Variants in ABI3BP observed in about 807,000 individuals in gnomAD.
ABI3BP encodes the protein target of Nesh-SH3.
ABI3BP carries 216 observed loss-of-function variants against 268.6 expected under a neutral mutation model. That is an observed-to-expected ratio of 0.80 (90% CI 0.72 to 0.90). The LOEUF (loss-of-function observed/expected upper bound fraction) is 0.90, where lower values mean the gene tolerates loss of function less well. Ranked by LOEUF, ABI3BP falls within the 40% of genes least tolerant of loss-of-function variation. The pLI is 0.00. For synonymous variants in ABI3BP, 730 were observed against 730.0 expected, an observed-to-expected ratio of 1.00 and a Z score of 0.00; for missense variants, 2,090 against 2,182.4, an observed-to-expected ratio of 0.96 and a Z score of 0.84.
chr3:100,878,724 C>G (rs1821795), intron 6 of ABI3BP, among the ~76,000 whole-genome samples: 40,986 of 152,036 alleles, frequency 0.27, 5,852 homozygotes, highest in Non-Finnish European at 0.31. Context: ...TTAGGCCCAC[C>G]CTTGGCACTC....
At chr3:100,967,503 CAAAA>C (rs5851238) in intron 1 of ABI3BP, among the ~76,000 whole-genome samples, 4 of 114,052 alleles carry the variant, frequency 3.5e-5, no homozygotes, top group Admixed American at 1.8e-4. Flanking sequence ...GACTCCATCT[CAAAA>C]AAAAAAAAAA....
intron 2 of ABI3BP, chr3:100,912,297 A>AC (rs2056958168): frequency 6.4e-6 from 1 of 156,982 alleles, no homozygotes; most frequent in South Asian, 1.9e-4. Context: ...AAAAAAAAAA[A>AC]AAAAAAACAG....
intron 1 of ABI3BP, among the ~76,000 whole-genome samples, chr3:100,981,728 G>A (rs1307440361): frequency 2.0e-5 from 3 of 152,166 alleles, no homozygotes; most frequent in Non-Finnish European, 4.4e-5. Context: ...GGAGTGGGAT[G>A]CTCATGGCAA....
intron 11 of ABI3BP, chr3:100,864,624 G>T: frequency 1.9e-6 from 1 of 523,846 alleles, no homozygotes; most frequent in Middle Eastern, 2.8e-4. Context: ...TTGCCCAGAA[G>T]TTCAGTCACC....
At chr3:100,904,808 T>C (rs1160170364) in intron 2 of ABI3BP, among the ~76,000 whole-genome samples, 1 of 152,208 alleles carries the variant, frequency 6.6e-6, no homozygotes, top group South Asian at 2.1e-4. Context: ...TTTACACTGT[T>C]GGTGGGACTG....
intron 9 of ABI3BP, among the ~76,000 whole-genome samples, chr3:100,874,040 C>A (rs190381928): frequency 2.0e-5 from 3 of 152,210 alleles, no homozygotes; most frequent in African/African-American, 7.2e-5. Flanking sequence ...TATTAACAGC[C>A]CAAGGTATTC....
At chr3:100,951,946 T>C (rs2075226441) in intron 1 of ABI3BP, among the ~76,000 whole-genome samples, 1 of 151,986 alleles carries the variant, frequency 6.6e-6, no homozygotes, top group Admixed American at 6.6e-5. Flanking sequence ...TTGCAATGAG[T>C]TGTAAATAAG....
At chr3:100,789,591 G>A (rs763569694) in intron 55 of ABI3BP, 75 bp from the exon 56 acceptor site, 2 of 1,403,458 alleles carry the variant, frequency 1.4e-6, no homozygotes, top group Non-Finnish European at 2.0e-6. Flanking sequence ...GCATCCTAGG[G>A]ACCAACAACT....
intron 1 of ABI3BP, among the ~76,000 whole-genome samples, chr3:100,975,142 T>C (rs932616565): frequency 1.3e-5 from 2 of 152,164 alleles, no homozygotes; most frequent in African/African-American, 4.8e-5. Flanking sequence ...ATAGGGATTT[T>C]TTTCAAGAGA....
At chr3:100,809,110 G>T (rs755784373) in intron 49 of ABI3BP, among the ~76,000 whole-genome samples, 1 of 151,982 alleles carries the variant, frequency 6.6e-6, no homozygotes, top group East Asian at 1.9e-4. Context: ...GTATACAATG[G>T]TTTCAGTGGA....
At position 100,749,697 on chromosome 3, in the gene ABI3BP, G is replaced by C. The variant is rs1010702694; in HGVS notation, c.*798C>G. On this transcript the variant is annotated 3_prime_UTR_variant, in exon 68 of 68. Coordinates refer to ENST00000471714, the MANE Select transcript of ABI3BP (RefSeq NM_001375547.2). ...GTGCTCAGACTTGACTTCACATTCA[G>C]TCTCTACATACAGCTTGATTAGAAT... 13 of 398,338 alleles carry C rather than the reference G, an allele frequency of 3.3e-5. No individual in the cohort carries two copies. Among genetic ancestry groups the C allele is most frequent in the Non-Finnish European group, 5.3e-5 (12 of 225,814 alleles). The allele number at this position is 398,338 out of a possible 1,614,324, so 24.7% of individuals were successfully genotyped here.
chr3:100,949,730 A>C (rs2074115597), intron 1 of ABI3BP, among the ~76,000 whole-genome samples: 1 of 152,282 alleles, frequency 6.6e-6, no homozygotes, highest in South Asian at 2.1e-4. Context: ...ATCATTGCTA[A>C]AATTTGTGGC....
At chr3:100,977,013 T>C (rs937829358) in intron 1 of ABI3BP, among the ~76,000 whole-genome samples, 1 of 152,190 alleles carries the variant, frequency 6.6e-6, no homozygotes. Flanking sequence ...AAAGGGATAA[T>C]TATTCATGTA....
At chr3:100,890,837 C>G (rs899104629) in intron 4 of ABI3BP, among the ~76,000 whole-genome samples, 2 of 152,096 alleles carry the variant, frequency 1.3e-5, no homozygotes, top group South Asian at 4.1e-4. Flanking sequence ...TCCTTTCTCC[C>G]CTCATGTCCA....
chr3:100,783,135 T>C (rs1163397426), intron 57 of ABI3BP, among the ~76,000 whole-genome samples: 4 of 152,196 alleles, frequency 2.6e-5, no homozygotes, highest in Non-Finnish European at 5.9e-5. Context: ...AGTGACTTCA[T>C]TCCCTGTGAT....
chr3:100,848,473 CTTTT>C (rs35928410), intron 18 of ABI3BP, among the ~76,000 whole-genome samples: 62 of 148,636 alleles, frequency 4.2e-4, no homozygotes, highest in African/African-American at 1.4e-3. Context: ...AAAACATATC[CTTTT>C]TTTTTTTTCC....
At chr3:100,922,166 T>C (rs1252628981) in intron 2 of ABI3BP, among the ~76,000 whole-genome samples, 1 of 152,226 alleles carries the variant, frequency 6.6e-6, no homozygotes, top group African/African-American at 2.4e-5. Context: ...GGACTTTAAT[T>C]CATCACTTTA....
At position 100,790,421 on chromosome 3, in the gene ABI3BP, C is replaced by T. The variant is rs529573161; in HGVS notation, c.4025-905G>A. Among the ~76,000 whole-genome samples the T allele has an allele frequency of 2.4e-4, 37 of 152,058 alleles. No individual in the cohort carries two copies. In the South Asian group the frequency reaches 6.6e-3, roughly 27 times the overall value. ...TCTTGCAAACTTTGTAAGTAGATTA[C>T]ATCATTTTAATGATTTTATTCACAT... On this transcript the variant is annotated intron_variant, in intron 55 of 67. Transcript: ENST00000471714.
chr3:100,840,817 T>C lies in ABI3BP; in HGVS notation c.1804+3A>G. On this transcript the variant is annotated splice_donor_region_variant and intron_variant, in intron 22 of 67. Transcript: ENST00000471714. ...AAAGGTCACCCACTCAATACTCTAT[T>C]ACCTAATGTTGTTGAAGGTTTGGTT... 1 of 1,534,602 alleles carries C rather than the reference T, an allele frequency of 6.5e-7. No homozygotes were observed. Among genetic ancestry groups the C allele is most frequent in the South Asian group, 1.2e-5 (1 of 83,886 alleles).
Sources: allele counts gnomAD v4.1 joint callset (sites outside exome capture counted in the v4.1 genomes callset), GRCh38; gene constraint gnomAD v4.1.1; transcripts MANE v1.5; gene names NCBI Gene and HGNC (gene_info 2026-07-23, HGNC 2026-07-21).